Variants in ZNF705B observed in about 807,000 individuals in gnomAD.
ZNF705B encodes the protein zinc finger protein 705B, also known as Putative zinc finger protein 705D-like protein LOC100132396.
ZNF705B carries 1 observed loss-of-function variant against 10.5 expected under a neutral mutation model. The ratio of observed to expected loss-of-function variants is 0.10; its 90% CI spans 0.03 to 0.45. ZNF705B has a LOEUF of 0.45. ZNF705B is among the 20% of genes least tolerant of loss of function. The pLI is 0.97. For synonymous variants in ZNF705B, 4 were observed against 25.4 expected, an observed-to-expected ratio of 0.16 and a Z score of 2.53; for missense variants, 14 against 84.0, an observed-to-expected ratio of 0.17 and a Z score of 3.26.
rs575840792 is a variant in ZNF705B, at chr8:7,937,315, G to C, written c.-72+6879G>C. ...CAGTTCTGCTTCAATGTCTACCTAA[G>C]GACATCCAGAGGAGATGCCACCTTT... On this transcript the variant is annotated intron_variant, in intron 2 of 6. Coordinates refer to ENST00000400120, the MANE Select transcript of ZNF705B (RefSeq NM_001193630.1). Among the ~76,000 whole-genome samples the C allele has an allele frequency of 3.2e-3, 355 of 112,284 alleles. 64 individuals carry two copies. The highest frequency in any genetic ancestry group is 5.4e-3 in the Non-Finnish European group (257 of 47,388). 73.7% of individuals were successfully genotyped at this position (112,284 alleles called of 152,430 possible). A position where few individuals can be genotyped will look rare whatever the true frequency, so the allele number is the denominator to read the frequency against.
intron 2 of ZNF705B, among the ~76,000 whole-genome samples, chr8:7,932,246 C>A (rs1409681261): frequency 8.3e-6 from 1 of 121,202 alleles, no homozygotes; most frequent in African/African-American, 2.5e-5. Context: ...ACTGGAGAGC[C>A]TGTCCTGGCT....
intron 2 of ZNF705B, among the ~76,000 whole-genome samples, chr8:7,937,283 A>G (rs538836749): frequency 0.014 from 1,573 of 115,144 alleles, 86 homozygotes; most frequent in African/African-American, 0.039. Flanking sequence ...CTTCTACAAA[A>G]AGTTGGCAGT....
chr8:7,936,055 C>T (rs1186341649), intron 2 of ZNF705B, among the ~76,000 whole-genome samples: 1 of 95,698 alleles, frequency 1.0e-5, no homozygotes, highest in African/African-American at 2.8e-5. Flanking sequence ...TCCCATCTGA[C>T]CTCAATTCTT....
intron 2 of ZNF705B, among the ~76,000 whole-genome samples, chr8:7,940,838 C>T (rs1358165969): frequency 7.1e-6 from 1 of 140,686 alleles, no homozygotes; most frequent in Non-Finnish European, 1.6e-5. Context: ...TGATACTCTC[C>T]CTCCACCTGC....
intron 2 of ZNF705B, among the ~76,000 whole-genome samples, chr8:7,940,272 T>C (rs1820112071): frequency 6.7e-6 from 1 of 149,072 alleles, no homozygotes; most frequent in Non-Finnish European, 1.5e-5. Flanking sequence ...TTAACCGACT[T>C]TGTTGAGCGA....
chr8:7,932,393 G>A lies in ZNF705B; in HGVS notation c.-72+1957G>A. Among the ~76,000 whole-genome samples, 2 of 120,948 alleles carry A rather than the reference G, an allele frequency of 1.7e-5. 1 individual carries two copies. Among genetic ancestry groups the A allele is most frequent in the Non-Finnish European group, 4.0e-5 (2 of 50,508 alleles). 79.3% of individuals were successfully genotyped at this position (120,948 alleles called of 152,430 possible). A position where few individuals can be genotyped will look rare whatever the true frequency, so the allele number is the denominator to read the frequency against. ...GGTATGATTATCTACTTGCTGTCTT[G>A]GTCTTTCTTTGGGAGGACACAGTGC... is the stretch of plus-strand genomic sequence containing the variant. On this transcript the variant is annotated intron_variant, in intron 2 of 6. Coordinates refer to ENST00000400120, the MANE Select transcript of ZNF705B (RefSeq NM_001193630.1).
intron 2 of ZNF705B, among the ~76,000 whole-genome samples, chr8:7,930,688 T>C (rs1819818104): frequency 9.3e-6 from 1 of 107,792 alleles, no homozygotes; most frequent in Admixed American, 1.1e-4. Context: ...AACTAACAAT[T>C]GTGATAGATA....
At chr8:7,942,573 AC>A (rs987046577) in intron 2 of ZNF705B, among the ~76,000 whole-genome samples, 1 of 42,808 alleles carries the variant, frequency 2.3e-5, no homozygotes, top group Non-Finnish European at 5.5e-5. Context: ...TGAAGGGCAT[AC>A]AGCAGAAAAA....
intron 2 of ZNF705B, among the ~76,000 whole-genome samples, chr8:7,940,302 G>A (rs1250797421): frequency 6.7e-6 from 1 of 149,104 alleles, no homozygotes; most frequent in East Asian, 2.0e-4. Context: ...TTAAAAAGCT[G>A]TACATATTTA....
intron 1 of ZNF705B, among the ~76,000 whole-genome samples, chr8:7,929,918 G>T: frequency 3.3e-5 from 2 of 61,378 alleles, no homozygotes; most frequent in Non-Finnish European, 4.2e-5. Flanking sequence ...TGCTGCTTCT[G>T]GATTTAAGTA....
At chr8:7,927,531 T>A (rs1819727503) in intron 1 of ZNF705B, among the ~76,000 whole-genome samples, 1 of 120,770 alleles carries the variant, frequency 8.3e-6, no homozygotes, top group Non-Finnish European at 2.0e-5. Flanking sequence ...GTGGTGATCC[T>A]AGTTAAAACA....
At position 7,931,294 on chromosome 8, in the gene ZNF705B, C is replaced by A. The variant is rs1203457506; in HGVS notation, c.-72+858C>A. 1.9e-4 allele frequency among the ~76,000 whole-genome samples: 23 copies of A among 121,542 alleles called. 5 individuals are homozygous for A. Among genetic ancestry groups the A allele is most frequent in the Admixed American group, 6.5e-4 (7 of 10,746 alleles). 79.7% of individuals were successfully genotyped at this position (121,542 alleles called of 152,430 possible). ...GATGGCATGTGCAGACACCAACAGT[C>A]ATGGCAACATGATGGACAGAGTAGT... On this transcript the variant is annotated intron_variant, in intron 2 of 6. Coordinates refer to ENST00000400120, the MANE Select transcript of ZNF705B (RefSeq NM_001193630.1).
intron 2 of ZNF705B, among the ~76,000 whole-genome samples, chr8:7,934,759 A>G (rs1230719624): frequency 1.9e-3 from 73 of 37,840 alleles, no homozygotes; most frequent in African/African-American, 4.2e-3. Flanking sequence ...CTGCTGCCAC[A>G]CAAAAATTTG....
At chr8:7,932,315 T>C (rs1257105860) in intron 2 of ZNF705B, among the ~76,000 whole-genome samples, 1 of 121,078 alleles carries the variant, frequency 8.3e-6, no homozygotes, top group Non-Finnish European at 2.0e-5. Context: ...GCCTCAGAGA[T>C]TCCTCGTCAA....
intron 1 of ZNF705B, among the ~76,000 whole-genome samples, chr8:7,926,950 C>T (rs1415707628): frequency 8.8e-6 from 1 of 114,094 alleles, no homozygotes; most frequent in Admixed American, 1.0e-4. Context: ...AGCTCAATCA[C>T]TAGTTGTATA....
chr8:7,950,042 TA>T lies in ZNF705B; in HGVS notation c.151del (p.Ser51AlafsTer5). The T allele has an allele frequency of 8.9e-7, 1 of 1,118,578 alleles. No individual in the cohort carries two copies. The highest frequency in any genetic ancestry group is 1.2e-6 in the Non-Finnish European group (1 of 858,476). 69.3% of individuals were successfully genotyped at this position (1,118,578 alleles called of 1,614,324 possible). A position where few individuals can be genotyped will look rare whatever the true frequency, so the allele number is the denominator to read the frequency against. ...ISHLVSLGYQ[I>X]SKSYIILQLE... ...TTCTTTCCACTAACAGGGTACCAGA[TA>T]AGCAAATCCTATATAATTTTGCAGC... is the stretch of plus-strand genomic sequence containing the variant. On this transcript the variant is annotated frameshift_variant, in exon 5 of 7. Coordinates refer to ENST00000400120, the MANE Select transcript of ZNF705B (RefSeq NM_001193630.1). LOFTEE classifies it high-confidence loss of function.
At chr8:7,932,226 T>C (rs555800224) in intron 2 of ZNF705B, among the ~76,000 whole-genome samples, 2 of 121,156 alleles carry the variant, frequency 1.7e-5, no homozygotes, top group African/African-American at 5.0e-5. Context: ...CTTTTTTACC[T>C]TTTCACCACA....
rs1407210683 is a variant in ZNF705B at position 7,936,738 on chromosome 8, G to A, written c.-72+6302G>A. ...CTTACCAGGAGGGGAGGGAGAGGGA[G>A]TAAAGTCTGAAAAGCTACTCTTTGG... is the stretch of plus-strand genomic sequence containing the variant. On this transcript the variant is annotated intron_variant, in intron 2 of 6. Coordinates refer to ENST00000400120, the MANE Select transcript of ZNF705B (RefSeq NM_001193630.1). 2.5e-5 allele frequency among the ~76,000 whole-genome samples: 3 copies of A among 118,998 alleles called. 1 individual carries two copies. The highest frequency in any genetic ancestry group is 7.7e-5 in the African/African-American group (3 of 39,020). The allele number at this position is 118,998 out of a possible 152,430, so 78.1% of individuals were successfully genotyped here.
At position 7,937,214 on chromosome 8, in the gene ZNF705B, T is replaced by G. The variant is rs1820040356; in HGVS notation, c.-72+6778T>G. On this transcript the variant is annotated intron_variant, in intron 2 of 6. Coordinates refer to ENST00000400120, the MANE Select transcript of ZNF705B (RefSeq NM_001193630.1). ...GGGACAGCACTAAGGCTTGGTATTC[T>G]GAGCCTCATTCTATTTTCCACTCTT... is the stretch of plus-strand genomic sequence containing the variant. Among the ~76,000 whole-genome samples, 2 of 118,938 alleles carry G rather than the reference T, an allele frequency of 1.7e-5. 1 individual carries two copies. The allele number at this position is 118,938 out of a possible 152,430, so 78.0% of individuals were successfully genotyped here. A position where few individuals can be genotyped will look rare whatever the true frequency, so the allele number is the denominator to read the frequency against.
Sources: allele counts gnomAD v4.1 joint callset (sites outside exome capture counted in the v4.1 genomes callset), GRCh38; gene constraint gnomAD v4.1.1; transcripts MANE v1.5; gene names NCBI Gene and HGNC (gene_info 2026-07-23, HGNC 2026-07-21).